PLS1: variants seen among roughly 807,000 people sequenced by gnomAD.
PLS1 encodes plastin-1.
A neutral mutation model predicts 73.7 loss-of-function variants in PLS1; 32 were observed. The observed-to-expected ratio is 0.43, with a 90% CI of 0.33 to 0.58. The LOEUF is 0.58. PLS1 is among the 20% of genes least tolerant of loss of function. The probability of loss-of-function intolerance (pLI) is 0.04; values close to 1 mark genes in which losing one functional copy is unlikely to be tolerated. For missense variants in PLS1, 633 were observed against 740.5 expected, an observed-to-expected ratio of 0.85 and a Z score of 1.68; for synonymous variants, 217 against 261.3, an observed-to-expected ratio of 0.83 and a Z score of 1.63.
intron 1 of PLS1, among the ~76,000 whole-genome samples, chr3:142,609,830 A>G (rs1230951367): frequency 6.6e-6 from 1 of 152,214 alleles, no homozygotes; most frequent in Non-Finnish European, 1.5e-5. Context: ...TTACATTATA[A>G]TACTTCAGCT....
In PLS1 at chr3:142,661,940, AT is replaced by A. The variant is rs576420625; in HGVS notation, c.-36-2261del. 1.8e-3 allele frequency among the ~76,000 whole-genome samples: 268 copies of A among 152,330 alleles called. 2 individuals are homozygous for A. The highest frequency in any genetic ancestry group is 6.2e-3 in the African/African-American group (259 of 41,584). ...ATAAACTTGCTTTCACTTAAAAAAAATAGGAACACTCTTACACTGTTGGTGG... is the reference window on the plus strand; with the variant it reads ...ATAAACTTGCTTTCACTTAAAAAAAAAGGAACACTCTTACACTGTTGGTGG... On this transcript the variant is annotated intron_variant, in intron 1 of 15. Transcript: ENST00000457734.
intron 8 of PLS1, 148 bp from the exon 9 acceptor site, chr3:142,686,136 T>G: frequency 1.7e-6 from 1 of 606,020 alleles, no homozygotes; most frequent in Non-Finnish European, 2.9e-6. Context: ...GCATGGTACA[T>G]TCAGGAACCT....
chr3:142,700,817 A>ACTCCCATATCT (rs2038316702), intron 12 of PLS1, among the ~76,000 whole-genome samples: 2 of 152,098 alleles, frequency 1.3e-5, no homozygotes, highest in Admixed American at 1.3e-4. Context: ...TGTGGGAGGG[A>ACTCCCATATCT]CCCAGTGGGA....
rs574141687 is a variant in PLS1, at chr3:142,641,748, G to A, written c.-36-22454G>A. ...GCCTTTGTGAGATCCTTATGGTTTC[G>A]TTGGTTTCTTGGGTTCTGGGTTTCT... On this transcript the variant is annotated intron_variant, in intron 1 of 15. Coordinates refer to ENST00000457734, the MANE Select transcript of PLS1 (RefSeq NM_001145319.2). Among the ~76,000 whole-genome samples, 73 of 152,156 alleles carry A rather than the reference G, an allele frequency of 4.8e-4. 1 individual carries two copies. The highest frequency in any genetic ancestry group is 1.5e-3 in the African/African-American group (61 of 41,522).
intron 1 of PLS1, among the ~76,000 whole-genome samples, chr3:142,620,728 C>T (rs1160381485): frequency 1.3e-5 from 2 of 152,116 alleles, no homozygotes; most frequent in South Asian, 2.1e-4. Flanking sequence ...GTTAAAACTG[C>T]ACCATACAGG....
At chr3:142,652,410 G>T (rs1468634132) in intron 1 of PLS1, among the ~76,000 whole-genome samples, 2 of 152,026 alleles carry the variant, frequency 1.3e-5, no homozygotes, top group African/African-American at 4.8e-5. Flanking sequence ...TTTTAATCTA[G>T]TTTCCTATTT....
chr3:142,691,008 G>A (rs2038074283), intron 10 of PLS1, among the ~76,000 whole-genome samples: 2 of 152,086 alleles, frequency 1.3e-5, no homozygotes, highest in African/African-American at 2.4e-5. Flanking sequence ...AGAGTATGAT[G>A]TGCGGTATTC....
intron 1 of PLS1, among the ~76,000 whole-genome samples, chr3:142,603,838 A>G (rs2108536683): frequency 6.6e-6 from 1 of 152,214 alleles, no homozygotes; most frequent in Non-Finnish European, 1.5e-5. Flanking sequence ...TGCCTCCTTC[A>G]AAAGATCCAA....
chr3:142,658,725 A>G (rs939316964), intron 1 of PLS1, among the ~76,000 whole-genome samples: 2 of 152,194 alleles, frequency 1.3e-5, no homozygotes, highest in African/African-American at 4.8e-5. Context: ...ATTTTGAGAA[A>G]CAGATGTGAT....
At position 142,711,904 on chromosome 3, in the gene PLS1, C is replaced by G. The variant is rs1338756658; in HGVS notation, c.1787C>G (p.Ala596Gly). 6.2e-7 allele frequency: 1 copy of G among 1,613,470 alleles called. No homozygotes were observed. Among genetic ancestry groups the G allele is most frequent in the Non-Finnish European group, 8.5e-7 (1 of 1,179,500 alleles). Residue 596 changes from alanine (A) to glycine (G), a missense_variant, in exon 16 of 16, where the codon GCC becomes GGC. Physicochemically the swap from Ala to Gly is moderately conservative, Grantham distance 60. Coordinates refer to ENST00000457734, the MANE Select transcript of PLS1 (RefSeq NM_001145319.2). ...ATTTCAGTTGCTCGAAAGATCGGTG[C>G]CCGGATATATGCATTACCTGATGAC... ...YAISVARKIG[A>G]RIYALPDDLV...
intron 5 of PLS1, among the ~76,000 whole-genome samples, chr3:142,676,818 G>A (rs2107863307): frequency 6.6e-6 from 1 of 152,278 alleles, no homozygotes; most frequent in South Asian, 2.1e-4. Flanking sequence ...TTTGGACAAA[G>A]CAGAGGTCTT....
intron 1 of PLS1, among the ~76,000 whole-genome samples, chr3:142,612,311 G>C (rs936361025): frequency 1.1e-4 from 16 of 152,182 alleles, no homozygotes; most frequent in African/African-American, 3.9e-4. Context: ...GGCAGGGCTG[G>C]ATTTACAGTG....
intron 1 of PLS1, among the ~76,000 whole-genome samples, chr3:142,650,737 T>C (rs951417183): frequency 2.6e-5 from 4 of 152,126 alleles, no homozygotes; most frequent in Non-Finnish European, 4.4e-5. Flanking sequence ...AAATAAAACA[T>C]GTTGAGGAAA....
chr3:142,602,310 G>A (rs1484033497), intron 1 of PLS1, among the ~76,000 whole-genome samples: 2 of 152,038 alleles, frequency 1.3e-5, no homozygotes, highest in East Asian at 3.9e-4. Context: ...ATGGGAAACT[G>A]GGAAGCTCAC....
intron 1 of PLS1, among the ~76,000 whole-genome samples, chr3:142,610,368 T>C (rs1473820001): frequency 6.6e-6 from 1 of 152,174 alleles, no homozygotes; most frequent in African/African-American, 2.4e-5. Context: ...AGGTTGAATG[T>C]GACACTGTGG....
At chr3:142,678,237 C>CTT in intron 6 of PLS1, 124 bp downstream of exon 6, 1 of 353,618 alleles carries the variant, frequency 2.8e-6, no homozygotes, top group African/African-American at 2.2e-5. Flanking sequence ...CCTATAAAAA[C>CTT]TTTTTTTTTT....
intron 1 of PLS1, among the ~76,000 whole-genome samples, chr3:142,614,318 A>G (rs562384576): frequency 3.8e-4 from 58 of 152,336 alleles, no homozygotes; most frequent in African/African-American, 1.4e-3. Context: ...ACACTTAACT[A>G]CCAAGGATAG....
At chr3:142,608,357 T>C (rs1365297590) in intron 1 of PLS1, among the ~76,000 whole-genome samples, 1 of 152,242 alleles carries the variant, frequency 6.6e-6, no homozygotes, top group Non-Finnish European at 1.5e-5. Flanking sequence ...TAAGAGAATG[T>C]TGTTTTGCTT....
intron 12 of PLS1, among the ~76,000 whole-genome samples, chr3:142,701,299 G>A (rs1290901780): frequency 6.6e-6 from 1 of 152,160 alleles, no homozygotes; most frequent in Non-Finnish European, 1.5e-5. Context: ...TGCAGGTTGA[G>A]TATCCCTTAT....
Sources: gnomAD v4.1 joint callset for allele counts (sites outside exome capture counted in the v4.1 genomes callset) on GRCh38, gnomAD v4.1.1 for gene constraint, MANE v1.5 for transcripts, NCBI Gene and HGNC (gene_info 2026-07-23, HGNC 2026-07-21) for gene names.